DOCK2: variants seen among roughly 807,000 people sequenced by gnomAD.
DOCK2 encodes the protein dedicator of cytokinesis protein 2.
A neutral mutation model predicts 248.9 loss-of-function variants in DOCK2; 87 were observed. The ratio of observed to expected loss-of-function variants is 0.35; its 90% CI spans 0.29 to 0.42. DOCK2 has a LOEUF of 0.42. DOCK2 is among the 10% of genes least tolerant of loss of function. The pLI is 1.00. For synonymous variants in DOCK2, 805 were observed against 821.6 expected (o/e 0.98, Z 0.35); for missense variants, 1,747 against 2,300.2 (o/e 0.76, Z 4.92).
In DOCK2 at chr5:169,702,284, C is replaced by T. The variant is rs1274054775; in HGVS notation, c.1259-19C>T. 3.7e-5 allele frequency: 60 copies of T among 1,612,528 alleles called. No homozygotes were observed. The highest frequency in any genetic ancestry group is 4.7e-5 in the Non-Finnish European group (55 of 1,179,120). On this transcript the variant is annotated intron_variant, in intron 13 of 51. Transcript: ENST00000520908. Reference sequence around the variant, plus strand: ...CTGTAATCCACACTAACTCTTGTCTCTCTCTCCCTCTGCCTCAGGGGATGT... The same window carrying T: ...CTGTAATCCACACTAACTCTTGTCTTTCTCTCCCTCTGCCTCAGGGGATGT...
At chr5:170,012,341 C>T (rs972878033) in intron 32 of DOCK2, among the ~76,000 whole-genome samples, 19 of 152,036 alleles carry the variant, frequency 1.2e-4, no homozygotes, top group African/African-American at 3.6e-4. Flanking sequence ...CAACGACCTA[C>T]GTTTTTTCAA....
At chr5:169,998,313 C>A (rs983814103) in intron 30 of DOCK2, among the ~76,000 whole-genome samples, 1 of 152,224 alleles carries the variant, frequency 6.6e-6, no homozygotes. Context: ...GAGGAGGTGA[C>A]GTCTGGGCTG....
chr5:169,821,902 T>C (rs1004530598), intron 26 of DOCK2, among the ~76,000 whole-genome samples: 1 of 151,896 alleles, frequency 6.6e-6, no homozygotes, highest in Non-Finnish European at 1.5e-5. Context: ...CGCATAGGCT[T>C]AAAATAAAGG....
chr5:169,985,974 A>G (rs1234943302), intron 29 of DOCK2, 52 bp downstream of exon 29: 2 of 1,502,460 alleles, frequency 1.3e-6, no homozygotes, highest in Non-Finnish European at 9.0e-7. Flanking sequence ...CTCACTTCAA[A>G]GATCACTTAT....
At chr5:169,920,585 T>A (rs772899253) in intron 27 of DOCK2, among the ~76,000 whole-genome samples, 10 of 152,138 alleles carry the variant, frequency 6.6e-5, no homozygotes, top group Non-Finnish European at 1.2e-4. Flanking sequence ...ACTGATGGGT[T>A]TGGAAAGAGG....
chr5:170,031,785 C>G (rs543904744), intron 34 of DOCK2, among the ~76,000 whole-genome samples: 1 of 152,170 alleles, frequency 6.6e-6, no homozygotes, highest in Admixed American at 6.5e-5. Flanking sequence ...GGTTTGAGCA[C>G]CTTTCTTGCT....
chr5:169,729,649 C>G (rs1407942469), intron 22 of DOCK2, among the ~76,000 whole-genome samples: 1 of 152,160 alleles, frequency 6.6e-6, no homozygotes. Context: ...TCATGCTGCC[C>G]TTATATTATA....
intron 27 of DOCK2, among the ~76,000 whole-genome samples, chr5:169,892,895 C>A (rs1395137381): frequency 1.4e-4 from 22 of 152,034 alleles, no homozygotes; most frequent in Non-Finnish European, 5.9e-5. Context: ...TTCACTCCTT[C>A]TTTTCCCCTT....
At chr5:169,884,521 C>T (rs1359483517) in intron 27 of DOCK2, 1 of 152,196 alleles carries the variant, frequency 6.6e-6, no homozygotes, top group Non-Finnish European at 1.5e-5. Flanking sequence ...ATGTCAATCA[C>T]AAATTCCTCC....
chr5:169,994,412 G>A (rs1778283724), intron 29 of DOCK2, among the ~76,000 whole-genome samples: 1 of 152,120 alleles, frequency 6.6e-6, no homozygotes, highest in Non-Finnish European at 1.5e-5. Context: ...GGTACACATG[G>A]GTGCAGCAGA....
intron 46 of DOCK2, among the ~76,000 whole-genome samples, chr5:170,073,158 T>C (rs1340200555): frequency 6.6e-6 from 1 of 152,262 alleles, no homozygotes; most frequent in African/African-American, 2.4e-5. Context: ...AGGTGTATGA[T>C]CCTTTTTGAC....
chr5:169,757,912 T>C (rs1415090953), intron 23 of DOCK2, among the ~76,000 whole-genome samples: 1 of 152,224 alleles, frequency 6.6e-6, no homozygotes, highest in Non-Finnish European at 1.5e-5. Flanking sequence ...AGCAAGGTTA[T>C]GGGGAAATGG....
At chr5:169,726,565 T>C (rs1156322171) in intron 22 of DOCK2, among the ~76,000 whole-genome samples, 1 of 152,230 alleles carries the variant, frequency 6.6e-6, no homozygotes, top group African/African-American at 2.4e-5. Flanking sequence ...GGTGTTTTAG[T>C]CATGAAGTCT....
Position 169,994,063 on chromosome 5 carries a change from A to G in DOCK2, c.2994-2023A>G, listed in dbSNP as rs1778275629. On this transcript the variant is annotated intron_variant, in intron 29 of 51. Coordinates refer to ENST00000520908, the MANE Select transcript of DOCK2 (RefSeq NM_004946.3). ...AATTGTCCTTAACTTAGTTGGGAAG[A>G]CTACAGAAAGCAGTATTTCAGGGTG... Among the ~76,000 whole-genome samples, 3 of 152,206 alleles carry G rather than the reference A, an allele frequency of 2.0e-5. No individual in the cohort carries two copies. The South Asian group carries it at 6.2e-4, about 32-fold the overall frequency.
intron 26 of DOCK2, among the ~76,000 whole-genome samples, chr5:169,804,964 G>A (rs777231108): frequency 3.3e-5 from 5 of 152,208 alleles, no homozygotes; most frequent in Non-Finnish European, 7.3e-5. Context: ...CAGCTGTTGA[G>A]CTGGTTCCAG....
chr5:169,805,950 G>A (rs2113149563), intron 26 of DOCK2, among the ~76,000 whole-genome samples: 1 of 152,298 alleles, frequency 6.6e-6, no homozygotes, highest in East Asian at 1.9e-4. Context: ...TTTGCTGGAT[G>A]AGTTATTAAA....
rs1480344172 is a variant in DOCK2 at position 170,047,493 on chromosome 5, T to G, written c.3967-17T>G. On this transcript the variant is annotated splice_polypyrimidine_tract_variant and intron_variant, in intron 39 of 51. Transcript: ENST00000520908. ...ATACACATCTGTGTTGCAACAAACC[T>G]TGTTTTCTTCCTTTAGATCCAGCAG... 1.2e-6 allele frequency: 2 copies of G among 1,612,030 alleles called. No homozygotes were observed. Among genetic ancestry groups the G allele is most frequent in the Admixed American group, 1.7e-5 (1 of 59,798 alleles).
chr5:169,829,952 G>A (rs1450438517), intron 26 of DOCK2, among the ~76,000 whole-genome samples: 1 of 152,142 alleles, frequency 6.6e-6, no homozygotes, highest in Non-Finnish European at 1.5e-5. Context: ...GGTCCCTTGG[G>A]CAAGACATAT....
chr5:169,925,578 TTAAAAAAAA>T (rs889668027), intron 27 of DOCK2, among the ~76,000 whole-genome samples: 1 of 32,324 alleles, frequency 3.1e-5, no homozygotes, highest in Non-Finnish European at 6.0e-5. Context: ...AGACTCTGTC[TTAAAAAAAA>T]AAAAAAAAAA....
Sources: gnomAD v4.1 joint callset for allele counts (sites outside exome capture counted in the v4.1 genomes callset) on GRCh38, gnomAD v4.1.1 for gene constraint, MANE v1.5 for transcripts, NCBI Gene and HGNC (gene_info 2026-07-23, HGNC 2026-07-21) for gene names.